PCED1B: variants seen among roughly 807,000 people sequenced by gnomAD.
PCED1B encodes PC-esterase domain-containing protein 1B.
For missense variants in PCED1B, 573 were observed against 573.9 expected (o/e 1.00, Z 0.02); for synonymous variants, 251 against 246.1 (o/e 1.02, Z -0.19).
chr12:47,151,996 C>T (rs939993930), intron 2 of PCED1B, among the ~76,000 whole-genome samples: 1 of 152,142 alleles, frequency 6.6e-6, no homozygotes, highest in African/African-American at 2.4e-5. Context: ...AACTGATATA[C>T]ATAGATAACT....
chr12:47,099,412 T>G (rs1425702221), intron 1 of PCED1B, among the ~76,000 whole-genome samples: 2 of 152,234 alleles, frequency 1.3e-5, no homozygotes, highest in Non-Finnish European at 2.9e-5. Flanking sequence ...TAAGCTCTTC[T>G]GTCCATTGTA....
At position 47,107,215 on chromosome 12, in the gene PCED1B, A is replaced by T. The variant is rs149935697; in HGVS notation, c.-526+3020A>T. ...GATTCTCCTAAAGTTTGATTGGTGAATGCCGGGGCCAAACACCGTAAGCCT... is the reference window on the plus strand; with the variant it reads ...GATTCTCCTAAAGTTTGATTGGTGATTGCCGGGGCCAAACACCGTAAGCCT... On this transcript the variant is annotated intron_variant, in intron 2 of 3. Coordinates refer to ENST00000546455, the MANE Select transcript of PCED1B (RefSeq NM_138371.3). Among the ~76,000 whole-genome samples, 72 of 152,270 alleles carry T rather than the reference A, an allele frequency of 4.7e-4. 1 individual carries two copies. In the East Asian group the frequency reaches 0.014, roughly 29 times the overall value.
chr12:47,100,948 T>C (rs1030734136), intron 1 of PCED1B, among the ~76,000 whole-genome samples: 2 of 152,046 alleles, frequency 1.3e-5, no homozygotes. Context: ...GCATGCCTTA[T>C]AGTCCCAGCT....
intron 2 of PCED1B, among the ~76,000 whole-genome samples, chr12:47,127,040 G>C (rs996402086): frequency 6.6e-6 from 1 of 151,884 alleles, no homozygotes; most frequent in Non-Finnish European, 1.5e-5. Flanking sequence ...CATTTCTTCT[G>C]CTGATTTGGG....
chr12:47,199,865 A>G (rs560316574), intron 2 of PCED1B, among the ~76,000 whole-genome samples: 3 of 152,364 alleles, frequency 2.0e-5, no homozygotes, highest in East Asian at 3.9e-4. Context: ...AGAAAAATTG[A>G]TAAGTGAGAC....
intron 1 of PCED1B, among the ~76,000 whole-genome samples, chr12:47,095,762 A>AT (rs574802837): frequency 2.0e-5 from 3 of 152,194 alleles, no homozygotes; most frequent in South Asian, 2.1e-4. Flanking sequence ...TATACATGTG[A>AT]TTTTTTCACA....
chr12:47,212,615 G>A (rs2137777126), intron 2 of PCED1B, among the ~76,000 whole-genome samples: 1 of 152,288 alleles, frequency 6.6e-6, no homozygotes, highest in South Asian at 2.1e-4. Context: ...TGCAGTGATG[G>A]TGTCATACCA....
intron 2 of PCED1B, among the ~76,000 whole-genome samples, chr12:47,113,450 G>A (rs1939285300): frequency 6.6e-6 from 1 of 152,170 alleles, no homozygotes; most frequent in Non-Finnish European, 1.5e-5. Flanking sequence ...AAAGAAGCTT[G>A]TCCAGATCTG....
chr12:47,213,020 T>C (rs185099520), intron 2 of PCED1B, among the ~76,000 whole-genome samples: 2 of 152,342 alleles, frequency 1.3e-5, no homozygotes, highest in Non-Finnish European at 2.9e-5. Context: ...CCTGACAGAA[T>C]GGGATCTTTT....
rs543024534 is a variant in PCED1B at position 47,235,219 on chromosome 12, G to A, written c.156G>A (p.Gly52=). 3 of 1,609,582 alleles carry A rather than the reference G, an allele frequency of 1.9e-6. No homozygotes were observed. The Admixed American group carries it at 5.0e-5, about 27-fold the overall frequency. ...CTCCCGGGCAGCTTAGAGCAAGGGG[G>A]GAGCTGAACTTCGAACAAGATGAGC... ...LLTPGQLRAR[G]ELNFEQDELV... Residue 52 remains glycine (G), a synonymous_variant, in exon 4 of 4, where the codon GGG becomes GGA. Coordinates refer to ENST00000546455, the MANE Select transcript of PCED1B (RefSeq NM_138371.3).
At chr12:47,154,810 T>C (rs1404816) in intron 2 of PCED1B, among the ~76,000 whole-genome samples, 32,135 of 150,632 alleles carry the variant, frequency 0.21, 4,296 homozygotes, top group South Asian at 0.43. Context: ...TGTGTGTGTG[T>C]GCATCTTCCT....
intron 3 of PCED1B, among the ~76,000 whole-genome samples, chr12:47,228,384 G>A (rs142115307): frequency 1.2e-4 from 19 of 152,100 alleles, no homozygotes; most frequent in African/African-American, 4.3e-4. Flanking sequence ...CTTGAGATTA[G>A]GATATGGGAT....
Position 47,152,768 on chromosome 12 carries a change from T to G in PCED1B, c.-526+48573T>G, listed in dbSNP as rs145414070. Among the ~76,000 whole-genome samples the G allele has an allele frequency of 4.9e-3, 738 of 151,936 alleles. 8 individuals are homozygous for G. The highest frequency in any genetic ancestry group is 0.017 in the African/African-American group (701 of 41,444). On this transcript the variant is annotated intron_variant, in intron 2 of 3. Coordinates refer to ENST00000546455, the MANE Select transcript of PCED1B (RefSeq NM_138371.3). Reference sequence around the variant, plus strand: ...CAACATGGCAAAACCCTGTCTCTACTAAAAATACAAAAAAACATTAGCCGG... The same window carrying G: ...CAACATGGCAAAACCCTGTCTCTACGAAAAATACAAAAAAACATTAGCCGG...
At chr12:47,143,655 T>C (rs1940678556) in intron 2 of PCED1B, among the ~76,000 whole-genome samples, 2 of 152,310 alleles carry the variant, frequency 1.3e-5, no homozygotes, top group East Asian at 1.9e-4. Flanking sequence ...TCCATTTTAT[T>C]TGAAGCAAGC....
rs574483345 is a variant in PCED1B, at chr12:47,186,273, TA to T, written c.-525-29947del. Among the ~76,000 whole-genome samples, 470 of 143,982 alleles carry T rather than the reference TA, an allele frequency of 3.3e-3. 1 individual carries two copies. Among genetic ancestry groups the T allele is most frequent in the Non-Finnish European group, 5.3e-3 (348 of 65,644 alleles). 94.5% of individuals were successfully genotyped at this position (143,982 alleles called of 152,430 possible). On this transcript the variant is annotated intron_variant, in intron 2 of 3. Transcript: ENST00000546455. ...TTACATAGAATTGAGCAAAGAACAA[TA>T]ATTTTGTAGAGAAGTGGCAAGACAA...
chr12:47,145,213 C>T (rs1033127347), intron 2 of PCED1B, among the ~76,000 whole-genome samples: 6 of 152,138 alleles, frequency 3.9e-5, no homozygotes, highest in African/African-American at 1.4e-4. Context: ...GAACAAGACC[C>T]TAAATTTCTT....
At position 47,177,540 on chromosome 12, in the gene PCED1B, C is replaced by T. The variant is rs190050848; in HGVS notation, c.-525-38682C>T. Among the ~76,000 whole-genome samples, 407 of 152,212 alleles carry T rather than the reference C, an allele frequency of 2.7e-3. 1 individual carries two copies. The highest frequency in any genetic ancestry group is 0.01 in the South Asian group (50 of 4,826). ...GACATGAGTTTGGTTGACAGAATGT[C>T]TCAAAGGAGACGGGAGAGATGATGA... On this transcript the variant is annotated intron_variant, in intron 2 of 3. Transcript: ENST00000546455.
At chr12:47,122,974 T>C (rs1284573092) in intron 2 of PCED1B, among the ~76,000 whole-genome samples, 7 of 152,204 alleles carry the variant, frequency 4.6e-5, no homozygotes, top group Non-Finnish European at 1.0e-4. Context: ...GTAGTGGAGA[T>C]ATCTGAGTTT....
At chr12:47,168,977 A>G (rs1355199622) in intron 2 of PCED1B, among the ~76,000 whole-genome samples, 1 of 152,208 alleles carries the variant, frequency 6.6e-6, no homozygotes, top group Non-Finnish European at 1.5e-5. Context: ...TCTACTTAAT[A>G]CTTTCTACTC....
Sources: gnomAD v4.1 joint callset for allele counts (sites outside exome capture counted in the v4.1 genomes callset) on GRCh38, gnomAD v4.1.1 for gene constraint, MANE v1.5 for transcripts, NCBI Gene and HGNC (gene_info 2026-07-23, HGNC 2026-07-21) for gene names.